Variants in CUEDC2 observed in about 807,000 individuals in gnomAD.
CUEDC2 encodes CUE domain-containing protein 2.
CUEDC2 carries 10 observed loss-of-function variants against 36.0 expected under a neutral mutation model. The ratio of observed to expected loss-of-function variants is 0.28; its 90% CI spans 0.17 to 0.47. CUEDC2 has a LOEUF of 0.47. CUEDC2 is among the 20% of genes least tolerant of loss of function. CUEDC2 has a pLI of 0.99. For synonymous variants in CUEDC2, 133 were observed against 141.8 expected, an observed-to-expected ratio of 0.94 and a Z score of 0.44; for missense variants, 269 against 368.1, an observed-to-expected ratio of 0.73 and a Z score of 2.20.
At chr10:102,430,429 A>G (rs1589909202) in intron 1 of CUEDC2, among the ~76,000 whole-genome samples, 2 of 152,166 alleles carry the variant, frequency 1.3e-5, no homozygotes. Flanking sequence ...TAGGCCTCCC[A>G]AAGTGCTGGG....
chr10:102,425,224 A>G (rs11593146), intron 1 of CUEDC2, 26 bp from the exon 2 acceptor site: 520,172 of 1,579,282 alleles, frequency 0.33, 88,876 homozygotes, highest in South Asian at 0.45. Flanking sequence ...CAGGATGGCC[A>G]GGCCTTCTTC....
At position 102,424,454 on chromosome 10, in the gene CUEDC2, G is replaced by T. The variant is rs759524051; in HGVS notation, c.280+45C>A. The T allele has an allele frequency of 1.2e-5, 19 of 1,613,948 alleles. No individual in the cohort carries two copies. Among genetic ancestry groups the T allele is most frequent in the East Asian group, 2.2e-5 (1 of 44,894 alleles). ...GGCTCTGGGGAGCAGGCAGTTGGGG[G>T]AGCGGGATTATGAATCACTCAGGTG... On this transcript the variant is annotated intron_variant, in intron 4 of 8. Coordinates refer to ENST00000369937, the MANE Select transcript of CUEDC2 (RefSeq NM_024040.3). The surrounding 1 kb of genome is among the most constrained non-coding windows in gnomAD (Gnocchi z 4.2).
intron 1 of CUEDC2, among the ~76,000 whole-genome samples, chr10:102,428,892 C>G (rs905002192): frequency 2.6e-5 from 4 of 151,754 alleles, no homozygotes; most frequent in Non-Finnish European, 4.4e-5. Context: ...TGTGGTGGCA[C>G]GCGCCTGTAG....
chr10:102,425,097 C>T lies in CUEDC2; in HGVS notation c.74+18G>A, dbSNP rs371178074. Reference sequence around the variant, plus strand: ...AGCTCCAGCACTGACATGAGCCTTCCGGGGGACCCGTCTCTACCTGAGGTC... The same window carrying T: ...AGCTCCAGCACTGACATGAGCCTTCTGGGGGACCCGTCTCTACCTGAGGTC... On this transcript the variant is annotated intron_variant, in intron 2 of 8. Coordinates refer to ENST00000369937, the MANE Select transcript of CUEDC2 (RefSeq NM_024040.3). 38 of 1,609,980 alleles carry T rather than the reference C, an allele frequency of 2.4e-5. No individual in the cohort carries two copies. Among genetic ancestry groups the T allele is most frequent in the African/African-American group, 9.4e-5 (7 of 74,840 alleles).
intron 1 of CUEDC2, among the ~76,000 whole-genome samples, chr10:102,431,994 C>T (rs1442304419): frequency 3.3e-5 from 5 of 152,090 alleles, no homozygotes; most frequent in Middle Eastern, 3.2e-3. Context: ...TAGCGAACTT[C>T]TCAGGGAGGC....
intron 1 of CUEDC2, among the ~76,000 whole-genome samples, chr10:102,427,215 C>T (rs1374820855): frequency 6.6e-6 from 1 of 152,174 alleles, no homozygotes; most frequent in Non-Finnish European, 1.5e-5. Context: ...CTTCTCTGCT[C>T]CCCTCTAAAT....
intron 2 of CUEDC2, 54 bp downstream of exon 2, chr10:102,425,061 C>T (rs2061590919): frequency 6.7e-7 from 1 of 1,489,246 alleles, no homozygotes. Flanking sequence ...ATAGTACTGC[C>T]CGGCAGCTCC....
At chr10:102,429,908 C>G (rs2061610435) in intron 1 of CUEDC2, among the ~76,000 whole-genome samples, 1 of 151,142 alleles carries the variant, frequency 6.6e-6, no homozygotes, top group South Asian at 2.1e-4. Context: ...AAGCAATTCT[C>G]CTGCCTCAGC....
intron 1 of CUEDC2, among the ~76,000 whole-genome samples, chr10:102,430,140 T>TAA (rs2061611441): frequency 8.0e-6 from 1 of 124,246 alleles, no homozygotes; most frequent in African/African-American, 3.1e-5. Context: ...TCTTTTTTTT[T>TAA]TTTTAATTTT....
At position 102,424,005 on chromosome 10, in the gene CUEDC2, G is replaced by C. The variant is rs752297247; in HGVS notation, c.585C>G (p.Gly195=). 26 of 1,613,630 alleles carry C rather than the reference G, an allele frequency of 1.6e-5. No individual in the cohort carries two copies. The East Asian group carries it at 5.6e-4, about 35-fold the overall frequency. The change falls in exon 6 of 9, where the codon GGC becomes GGG. Residue 195 remains glycine (G), a synonymous_variant. Transcript: ENST00000369937. The surrounding 1 kb of genome is among the most constrained non-coding windows in gnomAD (Gnocchi z 4.2). ...GKEEGPAAWE[G]PNQDLPRRLR... ...TGCTGGGAAAAGATACCTGGTTGGG[G>C]CCCTCCCAGGCTGCAGGCCCCTCTT... is the stretch of plus-strand genomic sequence containing the variant.
chr10:102,430,147 T>TTTATTTATTTATTTA, intron 1 of CUEDC2, among the ~76,000 whole-genome samples: 1 of 120,476 alleles, frequency 8.3e-6, no homozygotes, highest in African/African-American at 3.3e-5. Context: ...TTTTTTTTAA[T>TTTATTTATTTATTTA]TTTATTTATT....
intron 1 of CUEDC2, among the ~76,000 whole-genome samples, chr10:102,429,021 CAAAA>C (rs11352968): frequency 3.9e-5 from 4 of 102,142 alleles, no homozygotes; most frequent in South Asian, 2.8e-4. Context: ...GACTTTGTCT[CAAAA>C]AAAAAAAAAA....
At position 102,425,096 on chromosome 10, in the gene CUEDC2, C is replaced by T; in HGVS notation, c.74+19G>A. ...CAGCTCCAGCACTGACATGAGCCTTCCGGGGGACCCGTCTCTACCTGAGGT... is the reference window on the plus strand; with the variant it reads ...CAGCTCCAGCACTGACATGAGCCTTTCGGGGGACCCGTCTCTACCTGAGGT... On this transcript the variant is annotated intron_variant, in intron 2 of 8. Transcript: ENST00000369937. 7 of 1,609,974 alleles carry T rather than the reference C, an allele frequency of 4.3e-6. No homozygotes were observed. The highest frequency in any genetic ancestry group is 5.1e-6 in the Non-Finnish European group (6 of 1,176,636).
chr10:102,426,563 C>T, intron 1 of CUEDC2, among the ~76,000 whole-genome samples: 1 of 152,168 alleles, frequency 6.6e-6, no homozygotes. Context: ...TTCTTTCCTT[C>T]TTATCTGCAT....
intron 1 of CUEDC2, among the ~76,000 whole-genome samples, chr10:102,431,075 C>A (rs1441160803): frequency 6.6e-6 from 1 of 152,236 alleles, no homozygotes; most frequent in Non-Finnish European, 1.5e-5. Flanking sequence ...ATTAACTTAC[C>A]TAATCCTTAC....
intron 1 of CUEDC2, among the ~76,000 whole-genome samples, chr10:102,431,153 T>C (rs1364364992): frequency 6.6e-6 from 1 of 152,260 alleles, no homozygotes; most frequent in African/African-American, 2.4e-5. Flanking sequence ...TATTTATGTA[T>C]TTTTGAGACG....
chr10:102,430,646 T>TC (rs11440410), intron 1 of CUEDC2, among the ~76,000 whole-genome samples: 128,576 of 151,750 alleles, frequency 0.85, 54,637 homozygotes, highest in South Asian at 0.94. Context: ...CCTCCCTCCC[T>TC]CCTCCTGTTT....
rs761272998 is a variant in CUEDC2 at position 102,424,249 on chromosome 10, C to T, written c.411+15G>A. On this transcript the variant is annotated intron_variant, in intron 5 of 8. Transcript: ENST00000369937. This position sits in a 1 kb window ranked among gnomAD's most constrained non-coding sequence, Gnocchi z 4.2. ...GCCCCCTGGGTCCCTCATCGGTACC[C>T]TCCTCTACCAGTACCTCATCTTGGG... 6.2e-7 allele frequency: 1 copy of T among 1,612,780 alleles called. No individual in the cohort carries two copies.
At chr10:102,426,318 T>C (rs1040531951) in intron 1 of CUEDC2, among the ~76,000 whole-genome samples, 6 of 152,126 alleles carry the variant, frequency 3.9e-5, no homozygotes, top group Non-Finnish European at 7.4e-5. Flanking sequence ...TCCAGACCCA[T>C]AGGTCCAAAT....
Sources: gnomAD v4.1 joint callset for allele counts (sites outside exome capture counted in the v4.1 genomes callset) on GRCh38, gnomAD v4.1.1 for gene constraint, Gnocchi (gnomAD v3.1) non-coding constraint, MANE v1.5 for transcripts, NCBI Gene and HGNC (gene_info 2026-07-23, HGNC 2026-07-21) for gene names.